Variants in DNAH9 observed in about 807,000 individuals in gnomAD.
DNAH9 encodes dynein axonemal heavy chain 9.
A neutral mutation model predicts 471.6 loss-of-function variants in DNAH9; 345 were observed. That is an observed-to-expected ratio of 0.73 (90% CI 0.67 to 0.80). DNAH9 has a LOEUF of 0.80. Ranked by LOEUF, DNAH9 falls within the 30% of genes least tolerant of loss-of-function variation. The pLI is 0.00. For synonymous variants in DNAH9, 2,093 were observed against 2,123.6 expected, an observed-to-expected ratio of 0.99 and a Z score of 0.40; for missense variants, 5,407 against 5,609.2, an observed-to-expected ratio of 0.96 and a Z score of 1.15.
intron 17 of DNAH9, among the ~76,000 whole-genome samples, chr17:11,670,917 G>A (rs985337267): frequency 6.6e-6 from 1 of 152,130 alleles, no homozygotes; most frequent in Admixed American, 6.5e-5. Flanking sequence ...TGGTCAGGCT[G>A]GTCTTGAACT....
intron 6 of DNAH9, among the ~76,000 whole-genome samples, chr17:11,620,310 C>T (rs867273742): frequency 6.6e-6 from 1 of 151,614 alleles, no homozygotes; most frequent in Non-Finnish European, 1.5e-5. Flanking sequence ...GTCAGGAGTT[C>T]GAGACCAGTC....
chr17:11,769,430 T>G, intron 38 of DNAH9, 101 bp downstream of exon 38: 1 of 1,037,058 alleles, frequency 9.6e-7, no homozygotes, highest in Non-Finnish European at 1.4e-6. Flanking sequence ...ACTTGAGTTC[T>G]GCATACCCCA....
chr17:11,673,362 T>A (rs1305450296), intron 17 of DNAH9, among the ~76,000 whole-genome samples: 1 of 152,224 alleles, frequency 6.6e-6, no homozygotes, highest in African/African-American at 2.4e-5. Flanking sequence ...AAGCTGTCCT[T>A]GCTTTTCTAA....
At chr17:11,677,826 T>C (rs1441368272) in intron 17 of DNAH9, among the ~76,000 whole-genome samples, 2 of 152,046 alleles carry the variant, frequency 1.3e-5, no homozygotes, top group Non-Finnish European at 2.9e-5. Context: ...TTCTAATGCT[T>C]ACCACTGCTA....
rs1271968017 is a variant in DNAH9, at chr17:11,669,224, A to G, written c.2892A>G (p.Pro964=). ...TTTTTAGGATACCATCTCTGGTGCC[A>G]CGGCTTTCCCCACAAAATGGCTCTC... is the stretch of plus-strand genomic sequence containing the variant. ...TSIFRIPSLV[P]RLSPQNGSPH... The change falls in exon 16 of 69, where the codon CCA becomes CCG. Residue 964 remains proline, a synonymous_variant. Transcript: ENST00000262442. 1.2e-6 allele frequency: 2 copies of G among 1,614,006 alleles called. No individual in the cohort carries two copies. The highest frequency in any genetic ancestry group is 3.3e-5 in the Admixed American group (2 of 60,014).
chr17:11,906,071 C>G (rs1046398644), intron 61 of DNAH9, among the ~76,000 whole-genome samples: 2 of 152,128 alleles, frequency 1.3e-5, no homozygotes, highest in African/African-American at 4.8e-5. Context: ...TCACCCATCC[C>G]CTTATCTTGC....
chr17:11,794,107 C>T lies in DNAH9; in HGVS notation c.8223+443C>T, dbSNP rs1013785808. ...TCGCCCAGGCTGGAGTGCAGTGGCG[C>T]GATCTCGGCTCACTGCAAGCTCCGC... On this transcript the variant is annotated intron_variant, in intron 42 of 68. Transcript: ENST00000262442. 2.6e-4 allele frequency among the ~76,000 whole-genome samples: 37 copies of T among 142,028 alleles called. 1 individual carries two copies. The highest frequency in any genetic ancestry group is 8.1e-4 in the Admixed American group (11 of 13,574). 93.2% of individuals were successfully genotyped at this position (142,028 alleles called of 152,430 possible). A position where few individuals can be genotyped will look rare whatever the true frequency, so the allele number is the denominator to read the frequency against.
At chr17:11,789,502 G>A (rs1223641290) in intron 41 of DNAH9, among the ~76,000 whole-genome samples, 1 of 151,912 alleles carries the variant, frequency 6.6e-6, no homozygotes, top group Non-Finnish European at 1.5e-5. Context: ...AATATCTGCT[G>A]TATCTGACAT....
At chr17:11,743,525 A>G (rs1344899050) in intron 30 of DNAH9, among the ~76,000 whole-genome samples, 3 of 152,142 alleles carry the variant, frequency 2.0e-5, no homozygotes, top group Non-Finnish European at 4.4e-5. Context: ...CTCTCTGCTA[A>G]ATACTGCAGG....
intron 28 of DNAH9, among the ~76,000 whole-genome samples, chr17:11,735,961 C>G (rs543016289): frequency 9.8e-5 from 15 of 152,292 alleles, no homozygotes; most frequent in African/African-American, 3.6e-4. Context: ...TTGAGCTGCT[C>G]CACTTACCAA....
At chr17:11,905,132 G>A (rs992937346) in intron 60 of DNAH9, among the ~76,000 whole-genome samples, 2 of 151,950 alleles carry the variant, frequency 1.3e-5, no homozygotes, top group South Asian at 4.2e-4. Context: ...TACTCGGGAG[G>A]CTGAGGCAGG....
chr17:11,803,383 T>G (rs995729081), intron 43 of DNAH9, among the ~76,000 whole-genome samples: 7 of 138,134 alleles, frequency 5.1e-5, no homozygotes, highest in African/African-American at 1.7e-4. Context: ...TCTAGGGGTG[T>G]GTGTGTGTGT....
intron 57 of DNAH9, among the ~76,000 whole-genome samples, chr17:11,888,414 C>A (rs1274046759): frequency 6.6e-6 from 1 of 152,242 alleles, no homozygotes; most frequent in East Asian, 1.9e-4. Context: ...ACCACAGGAT[C>A]ACCCCCCTGG....
At chr17:11,866,984 A>G (rs1387283595) in intron 50 of DNAH9, among the ~76,000 whole-genome samples, 2 of 152,200 alleles carry the variant, frequency 1.3e-5, no homozygotes, top group Non-Finnish European at 1.5e-5. Flanking sequence ...GAGCGAGGCA[A>G]TGCCTCGCCC....
At chr17:11,714,636 G>A (rs1393404356) in intron 26 of DNAH9, among the ~76,000 whole-genome samples, 1 of 152,108 alleles carries the variant, frequency 6.6e-6, no homozygotes, top group Non-Finnish European at 1.5e-5. Context: ...TTGTTATATG[G>A]CAAAGGAAAA....
intron 53 of DNAH9, among the ~76,000 whole-genome samples, chr17:11,876,031 A>G (rs1972466738): frequency 6.6e-6 from 1 of 152,130 alleles, no homozygotes; most frequent in Non-Finnish European, 1.5e-5. Flanking sequence ...TCAACTGGTT[A>G]ATAACCAGTA....
At chr17:11,807,027 T>C (rs1969713250) in intron 43 of DNAH9, among the ~76,000 whole-genome samples, 1 of 151,960 alleles carries the variant, frequency 6.6e-6, no homozygotes, top group African/African-American at 2.4e-5. Flanking sequence ...TAGTCTTCCA[T>C]TGCAAGGAAG....
At position 11,669,674 on chromosome 17, in the gene DNAH9, T is replaced by G. The variant is rs142009409; in HGVS notation, c.3233T>G (p.Ile1078Ser). 357 of 1,614,020 alleles carry G rather than the reference T, an allele frequency of 2.2e-4. No homozygotes were observed. The highest frequency in any genetic ancestry group is 2.9e-4 in the Non-Finnish European group (340 of 1,180,024). The change falls in exon 17 of 69, where the codon ATC (isoleucine) becomes AGC (serine). Residue 1078 changes from isoleucine to serine, a missense_variant. By Grantham distance (142) the Ile-to-Ser change is moderately radical. Around this residue, in one of 3 missense-constraint regions of DNAH9, gnomAD observed 4,636 missense variants for 4,900.3 expected, o/e 0.95. Coordinates refer to ENST00000262442, the MANE Select transcript of DNAH9 (RefSeq NM_001372.4). ...LYEEVCRLEP[I>S]KVFDGWMKID... ...GAAGAGGTGTGCAGGCTGGAACCCA[T>G]CAAGGTGTTTGACGGCTGGATGAAA...
In DNAH9 at chr17:11,871,787, G is replaced by T; in HGVS notation, c.10242+1G>T. The T allele has an allele frequency of 6.2e-7, 1 of 1,613,890 alleles. No homozygotes were observed. The highest frequency in any genetic ancestry group is 1.7e-5 in the Admixed American group (1 of 60,008). On this transcript the variant is annotated splice_donor_variant, in intron 52 of 68. Coordinates refer to ENST00000262442, the MANE Select transcript of DNAH9 (RefSeq NM_001372.4). LOFTEE classifies it high-confidence loss of function. ...GAGGCCCTACCTGAGCCAGCTGAAA[G>T]TACGTATGGCCTGAATTTCTCCCGA...
Sources: allele counts gnomAD v4.1 joint callset (sites outside exome capture counted in the v4.1 genomes callset), GRCh38; gene constraint gnomAD v4.1.1; regional missense constraint gnomAD v4.1.1; transcripts MANE v1.5; gene names NCBI Gene and HGNC (gene_info 2026-07-23, HGNC 2026-07-21).